ZNF423: variants seen among roughly 807,000 people sequenced by gnomAD.
The protein encoded by ZNF423 is zinc finger protein 423, also known as Ebf-associated zinc finger protein.
In ZNF423, 12 loss-of-function variants were observed where a neutral mutation model predicts 95.8. The observed-to-expected ratio is 0.13, with a 90% CI of 0.08 to 0.20. ZNF423 has a LOEUF of 0.20. Ranked by LOEUF, ZNF423 falls within the 10% of genes least tolerant of loss-of-function variation. The probability of loss-of-function intolerance (pLI) is 1.00; values close to 1 mark genes in which losing one functional copy is unlikely to be tolerated. For missense variants in ZNF423, 1,316 were observed against 1,737.1 expected (o/e 0.76, Z 4.31); for synonymous variants, 749 against 711.9 (o/e 1.05, Z -0.83).
intron 7 of ZNF423, among the ~76,000 whole-genome samples, chr16:49,506,301 G>C (rs1361559495): frequency 6.6e-6 from 1 of 152,108 alleles, no homozygotes; most frequent in Non-Finnish European, 1.5e-5. Flanking sequence ...GGGTAGATGG[G>C]TATGGGGGAA....
Position 49,525,355 on chromosome 16 carries a change from T to G in ZNF423, c.3733+8A>C. On this transcript the variant is annotated splice_region_variant and intron_variant, in intron 6 of 7. Coordinates refer to ENST00000563137, the MANE Select transcript of ZNF423 (RefSeq NM_001379286.1). Reference sequence around the variant, plus strand: ...TCTCCCCTGAGGGGCACAAGCTGGGTACCTTACCTGTGAAACACACGGGGC... The same window carrying G: ...TCTCCCCTGAGGGGCACAAGCTGGGGACCTTACCTGTGAAACACACGGGGC... 2.5e-6 allele frequency: 4 copies of G among 1,613,908 alleles called. No individual in the cohort carries two copies. Among genetic ancestry groups the G allele is most frequent in the Non-Finnish European group, 3.4e-6 (4 of 1,179,894 alleles).
intron 1 of ZNF423, among the ~76,000 whole-genome samples, chr16:49,811,986 T>C (rs2034761276): frequency 6.6e-6 from 1 of 152,244 alleles, no homozygotes; most frequent in African/African-American, 2.4e-5. Context: ...TCCTCTCCCC[T>C]TCCTCCTGCC....
intron 1 of ZNF423, among the ~76,000 whole-genome samples, chr16:49,815,103 G>A (rs527331435): frequency 5.3e-5 from 8 of 152,186 alleles, no homozygotes; most frequent in African/African-American, 1.9e-4. Flanking sequence ...CATCAGCTGT[G>A]TGAACTTCGG....
chr16:49,849,905 G>T (rs373100209), intron 1 of ZNF423, among the ~76,000 whole-genome samples: 1 of 152,172 alleles, frequency 6.6e-6, no homozygotes, highest in Non-Finnish European at 1.5e-5. Context: ...AGGCCGTCCC[G>T]CTGTCAGCGA....
chr16:49,575,703 G>C (rs1017193877), intron 5 of ZNF423, among the ~76,000 whole-genome samples: 1 of 152,180 alleles, frequency 6.6e-6, no homozygotes, highest in African/African-American at 2.4e-5. Context: ...TGGGTGTCCC[G>C]ACTTCCAAGC....
chr16:49,739,428 T>C (rs1254552998), intron 2 of ZNF423, among the ~76,000 whole-genome samples: 1 of 151,958 alleles, frequency 6.6e-6, no homozygotes, highest in African/African-American at 2.4e-5. Flanking sequence ...AAAATGTCCA[T>C]GCATACCAAA....
chr16:49,738,657 G>C (rs1023557447), intron 2 of ZNF423, among the ~76,000 whole-genome samples: 2 of 152,110 alleles, frequency 1.3e-5, no homozygotes, highest in African/African-American at 4.8e-5. Context: ...GGGTGCAGGG[G>C]AGAAGGGAGA....
At chr16:49,658,244 G>A (rs950324283) in intron 3 of ZNF423, among the ~76,000 whole-genome samples, 10 of 152,176 alleles carry the variant, frequency 6.6e-5, no homozygotes, top group Non-Finnish European at 8.8e-5. Flanking sequence ...GTGCAGGGAC[G>A]AGGGCGCACC....
At chr16:49,709,583 C>T (rs1224742748) in intron 3 of ZNF423, among the ~76,000 whole-genome samples, 1 of 152,140 alleles carries the variant, frequency 6.6e-6, no homozygotes, top group Admixed American at 6.5e-5. Flanking sequence ...TCAAGTGCCA[C>T]TGCTATCGTC....
At chr16:49,522,173 C>A (rs1968426894) in intron 7 of ZNF423, among the ~76,000 whole-genome samples, 1 of 152,182 alleles carries the variant, frequency 6.6e-6, no homozygotes, top group Non-Finnish European at 1.5e-5. Context: ...AGGGTCCCCC[C>A]TGGAGGGCCA....
intron 7 of ZNF423, among the ~76,000 whole-genome samples, chr16:49,505,205 G>C (rs917808755): frequency 7.2e-5 from 11 of 152,178 alleles, no homozygotes; most frequent in Admixed American, 2.0e-4. Flanking sequence ...AAACAGCCAA[G>C]AGCTGGGATG....
chr16:49,651,927 A>C (rs1469020212), intron 3 of ZNF423, among the ~76,000 whole-genome samples: 1 of 152,212 alleles, frequency 6.6e-6, no homozygotes, highest in African/African-American at 2.4e-5. Flanking sequence ...GATGGTTTTC[A>C]AACAAAGCAA....
intron 3 of ZNF423, among the ~76,000 whole-genome samples, chr16:49,705,467 C>T (rs1655890365): frequency 6.6e-6 from 1 of 152,214 alleles, no homozygotes; most frequent in Non-Finnish European, 1.5e-5. Context: ...AAATGACTCT[C>T]TGGATCTCTA....
At chr16:49,769,569 T>C in intron 2 of ZNF423, among the ~76,000 whole-genome samples, 1 of 152,012 alleles carries the variant, frequency 6.6e-6, no homozygotes, top group Non-Finnish European at 1.5e-5. Flanking sequence ...GCCACTGCCC[T>C]GTGCAAAGCC....
rs2031684140 is a variant in ZNF423, at chr16:49,689,239, C to T, written c.301+41532G>A. Among the ~76,000 whole-genome samples the T allele has an allele frequency of 2.0e-5, 3 of 150,682 alleles. No individual in the cohort carries two copies. The South Asian group carries it at 6.3e-4, about 32-fold the overall frequency. On this transcript the variant is annotated intron_variant, in intron 3 of 7. Transcript: ENST00000563137. Reference sequence around the variant, plus strand: ...GGAGGATGGCTTGAGCCCAGGAGTTCCAGACCAGCCTGGGCAACATGGCAA... The same window carrying T: ...GGAGGATGGCTTGAGCCCAGGAGTTTCAGACCAGCCTGGGCAACATGGCAA...
chr16:49,827,795 C>T (rs1000287862), intron 1 of ZNF423, among the ~76,000 whole-genome samples: 3 of 152,062 alleles, frequency 2.0e-5, no homozygotes, highest in Non-Finnish European at 4.4e-5. Context: ...TGTTATGTTG[C>T]CTTTTTTTTT....
intron 3 of ZNF423, among the ~76,000 whole-genome samples, chr16:49,709,113 G>A (rs1386041270): frequency 6.7e-6 from 1 of 149,240 alleles, no homozygotes; most frequent in Non-Finnish European, 1.5e-5. Flanking sequence ...TTATCCTCCA[G>A]CAGCTCGGCC....
At chr16:49,817,842 T>C (rs2034880777) in intron 1 of ZNF423, among the ~76,000 whole-genome samples, 1 of 152,138 alleles carries the variant, frequency 6.6e-6, no homozygotes, top group Non-Finnish European at 1.5e-5. Context: ...AGCTCCATTT[T>C]ATCAATGAAG....
At chr16:49,848,147 T>C (rs2035265356) in intron 1 of ZNF423, among the ~76,000 whole-genome samples, 1 of 152,032 alleles carries the variant, frequency 6.6e-6, no homozygotes, top group African/African-American at 2.4e-5. Context: ...AATTTTAAGT[T>C]ACGTATATTT....
Sources: allele counts gnomAD v4.1 joint callset (sites outside exome capture counted in the v4.1 genomes callset), GRCh38; gene constraint gnomAD v4.1.1; transcripts MANE v1.5; gene names NCBI Gene and HGNC (gene_info 2026-07-23, HGNC 2026-07-21).